Variants in OCA2 observed in about 807,000 individuals in gnomAD.
The protein encoded by OCA2 is P protein.
OCA2 carries 77 observed loss-of-function variants against 100.2 expected under a neutral mutation model. The observed-to-expected ratio is 0.77, with a 90% CI of 0.64 to 0.93. The LOEUF (loss-of-function observed/expected upper bound fraction) is 0.93, where lower values mean the gene tolerates loss of function less well. Ranked by LOEUF, OCA2 falls within the 40% of genes least tolerant of loss-of-function variation. The pLI is 0.00. For synonymous variants in OCA2, 432 were observed against 439.2 expected, an observed-to-expected ratio of 0.98 and a Z score of 0.21; for missense variants, 1,062 against 1,089.1, an observed-to-expected ratio of 0.98 and a Z score of 0.35.
chr15:27,894,725 A>G (rs1595592751), intron 19 of OCA2, among the ~76,000 whole-genome samples: 1 of 152,312 alleles, frequency 6.6e-6, no homozygotes, highest in East Asian at 1.9e-4. Flanking sequence ...TGCTGCCCAC[A>G]GGTGGCATTG....
rs975163105 is a variant in OCA2, at chr15:28,054,557, G to A, written c.228-22394C>T. 2.6e-5 allele frequency among the ~76,000 whole-genome samples: 4 copies of A among 152,104 alleles called. No homozygotes were observed. In the East Asian group the frequency reaches 5.8e-4, roughly 22 times the overall value. ...AAATGTTGAGACCTCAATACATCAC[G>A]TTTCATGAAGACAGTTCTATGTTGC... On this transcript the variant is annotated intron_variant, in intron 2 of 23. Coordinates refer to ENST00000354638, the MANE Select transcript of OCA2 (RefSeq NM_000275.3).
chr15:28,083,724 G>T (rs991265977), intron 1 of OCA2, among the ~76,000 whole-genome samples: 4 of 152,080 alleles, frequency 2.6e-5, no homozygotes, highest in Admixed American at 1.3e-4. Flanking sequence ...CAATTTAAAA[G>T]CACCATGACA....
At chr15:27,844,915 A>G in intron 23 of OCA2, 44 bp downstream of exon 23, 2 of 1,331,706 alleles carry the variant, frequency 1.5e-6, no homozygotes, top group Non-Finnish European at 2.2e-6. Flanking sequence ...TAAGCTTAGG[A>G]ACTAGACAGT....
chr15:27,896,126 T>TA, intron 19 of OCA2: 1 of 1,043,952 alleles, frequency 9.6e-7, no homozygotes, highest in South Asian at 1.3e-5. Flanking sequence ...TTACCTGCTA[T>TA]ATGGATGCAG....
intron 23 of OCA2, among the ~76,000 whole-genome samples, chr15:27,777,460 G>A (rs899908095): frequency 6.6e-6 from 1 of 152,128 alleles, no homozygotes; most frequent in Non-Finnish European, 1.5e-5. Flanking sequence ...CTGGAAAAAT[G>A]CACTTAAAAT....
At chr15:27,988,081 G>A (rs1198104942) in intron 11 of OCA2, among the ~76,000 whole-genome samples, 1 of 152,092 alleles carries the variant, frequency 6.6e-6, no homozygotes, top group East Asian at 1.9e-4. Flanking sequence ...ACAGGCGTGT[G>A]GAGACCCATG....
Position 27,958,866 on chromosome 15 carries a change from G to T in OCA2, c.1637-1131C>A, listed in dbSNP as rs115762139. On this transcript the variant is annotated intron_variant, in intron 15 of 23. Coordinates refer to ENST00000354638, the MANE Select transcript of OCA2 (RefSeq NM_000275.3). ...GACAAAGCCTTTCAAGCAGGCGCTG[G>T]GGCACTGGAAGAGCAGCTCGGGGCA... Among the ~76,000 whole-genome samples, 293 of 152,242 alleles carry T rather than the reference G, an allele frequency of 1.9e-3. 4 individuals are homozygous for T. The highest frequency in any genetic ancestry group is 6.9e-3 in the African/African-American group (285 of 41,538).
At chr15:28,007,742 G>A (rs938387069) in intron 9 of OCA2, among the ~76,000 whole-genome samples, 1 of 151,900 alleles carries the variant, frequency 6.6e-6, no homozygotes, top group African/African-American at 2.4e-5. Context: ...AAGACCTACT[G>A]TACAAGGATG....
chr15:28,087,827 C>T (rs940631703), intron 1 of OCA2, among the ~76,000 whole-genome samples: 5 of 152,036 alleles, frequency 3.3e-5, no homozygotes, highest in Non-Finnish European at 7.4e-5. Flanking sequence ...TTTGGGAGGC[C>T]GAGGTGGGTG....
intron 23 of OCA2, among the ~76,000 whole-genome samples, chr15:27,801,350 A>G (rs2033598410): frequency 6.6e-6 from 1 of 152,136 alleles, no homozygotes; most frequent in South Asian, 2.1e-4. Flanking sequence ...TCAAGAGATC[A>G]AGACCATCCT....
chr15:28,090,057 G>A (rs760990369), intron 1 of OCA2, among the ~76,000 whole-genome samples: 14 of 152,286 alleles, frequency 9.2e-5, no homozygotes, highest in Middle Eastern at 3.4e-3. Flanking sequence ...TTATATTCAC[G>A]TAATATATGC....
intron 23 of OCA2, among the ~76,000 whole-genome samples, chr15:27,769,593 G>T (rs1033012297): frequency 3.9e-5 from 6 of 151,940 alleles, no homozygotes. Context: ...CACCACCTAA[G>T]AACTTATCCA....
intron 9 of OCA2, among the ~76,000 whole-genome samples, chr15:28,010,478 A>T (rs1272754248): frequency 4.6e-5 from 7 of 152,170 alleles, no homozygotes; most frequent in African/African-American, 1.7e-4. Flanking sequence ...TTTATTTTTT[A>T]AAAACTCTGA....
chr15:28,062,563 T>G (rs1315235295), intron 2 of OCA2, among the ~76,000 whole-genome samples: 2 of 152,208 alleles, frequency 1.3e-5, no homozygotes, highest in African/African-American at 4.8e-5. Flanking sequence ...AGTTTTTCTT[T>G]TTGATAAAGT....
intron 23 of OCA2, among the ~76,000 whole-genome samples, chr15:27,775,429 T>C (rs976509240): frequency 6.6e-6 from 1 of 152,224 alleles, no homozygotes; most frequent in Non-Finnish European, 1.5e-5. Context: ...TTAAAATCTA[T>C]GAAAGCAGAT....
At chr15:27,830,349 A>G (rs991697562) in intron 23 of OCA2, among the ~76,000 whole-genome samples, 1 of 152,206 alleles carries the variant, frequency 6.6e-6, no homozygotes, top group Non-Finnish European at 1.5e-5. Context: ...AGCTGCATCC[A>G]TGTCGCACCA....
chr15:27,935,176 G>C (rs1452837996), intron 18 of OCA2, among the ~76,000 whole-genome samples: 2 of 152,176 alleles, frequency 1.3e-5, no homozygotes, highest in African/African-American at 4.8e-5. Context: ...GTGTCATTGA[G>C]ACTCTTTTCC....
the OCA2 span, among the ~76,000 whole-genome samples, chr15:27,738,811 G>A: frequency 6.6e-6 from 1 of 152,082 alleles, no homozygotes; most frequent in Admixed American, 6.6e-5. Flanking sequence ...GGGTTTCTAG[G>A]TTGTAAGAGT....
chr15:28,004,224 C>G (rs2042019788), intron 9 of OCA2, among the ~76,000 whole-genome samples: 1 of 147,410 alleles, frequency 6.8e-6, no homozygotes, highest in Non-Finnish European at 1.5e-5. Context: ...GCTGCCGGCC[C>G]TGGGGTGGGA....
Sources: gnomAD v4.1 joint callset for allele counts (sites outside exome capture counted in the v4.1 genomes callset) on GRCh38, gnomAD v4.1.1 for gene constraint, MANE v1.5 for transcripts, NCBI Gene and HGNC (gene_info 2026-07-23, HGNC 2026-07-21) for gene names.